The following NBEA variants were observed in gnomAD, a reference collection of about 807,000 sequenced individuals.
NBEA encodes neurobeachin.
NBEA carries 44 observed loss-of-function variants against 343.4 expected under a neutral mutation model. The ratio of observed to expected loss-of-function variants is 0.13; its 90% confidence interval spans 0.10 to 0.16. NBEA has a LOEUF of 0.16. Ranked by LOEUF, NBEA falls within the 10% of genes least tolerant of loss-of-function variation. The probability of loss-of-function intolerance (pLI) is 1.00; values close to 1 mark genes in which losing one functional copy is unlikely to be tolerated. For synonymous variants in NBEA, 1,175 were observed against 1,238.7 expected, an observed-to-expected ratio of 0.95 and a Z score of 1.08; for missense variants, 2,555 against 3,631.3, an observed-to-expected ratio of 0.70 and a Z score of 7.62.
At chr13:35,579,900 T>C (rs1438511486) in intron 45 of NBEA, among the ~76,000 whole-genome samples, 1 of 152,058 alleles carries the variant, frequency 6.6e-6, no homozygotes, top group African/African-American at 2.4e-5. Context: ...GTAGAGAAAA[T>C]TCTCAGCATT....
At chr13:35,639,354 T>C (rs1200483542) in intron 49 of NBEA, among the ~76,000 whole-genome samples, 1 of 152,204 alleles carries the variant, frequency 6.6e-6, no homozygotes, top group East Asian at 1.9e-4. Flanking sequence ...TTATATGATC[T>C]TGTTTTATTA....
rs372902290 is a variant in NBEA at position 34,977,193 on chromosome 13, G to T, written c.294+34079G>T. Reference sequence around the variant, plus strand: ...AACCTCAGGTGATCCGCCTGCCTTGGCCTCCCAACTTGCTGCAATTATAGG... The same window carrying T: ...AACCTCAGGTGATCCGCCTGCCTTGTCCTCCCAACTTGCTGCAATTATAGG... On this transcript the variant is annotated intron_variant, in intron 1 of 58. Transcript: ENST00000379939. 2.0e-5 allele frequency among the ~76,000 whole-genome samples: 3 copies of T among 152,068 alleles called. No homozygotes were observed. The South Asian group carries it at 6.2e-4, about 32-fold the overall frequency.
intron 34 of NBEA, among the ~76,000 whole-genome samples, chr13:35,242,375 CA>C (rs2030456955): frequency 1.3e-5 from 2 of 151,664 alleles, no homozygotes. Context: ...AGGACCAAGA[CA>C]AACAGAATGA....
rs910946184 is a variant in NBEA, at chr13:35,415,090, G to T, written c.6180-17179G>T. On this transcript the variant is annotated intron_variant, in intron 38 of 58. Transcript: ENST00000379939. ...CTTTTTGATGGGGTTGTTTGTTTTT[G>T]TCTTGTAAATTTGTTTAAGTTCTTT... Among the ~76,000 whole-genome samples, 196 of 151,680 alleles carry T rather than the reference G, an allele frequency of 1.3e-3. 1 individual carries two copies. The highest frequency in any genetic ancestry group is 4.3e-3 in the African/African-American group (180 of 41,384).
intron 44 of NBEA, among the ~76,000 whole-genome samples, chr13:35,562,975 A>G (rs2079935886): frequency 2.0e-5 from 3 of 152,134 alleles, no homozygotes; most frequent in East Asian, 3.9e-4. Flanking sequence ...TTTTTAATGA[A>G]GAAACATATC....
At chr13:35,489,417 TG>T (rs1259509539) in intron 41 of NBEA, among the ~76,000 whole-genome samples, 1 of 151,926 alleles carries the variant, frequency 6.6e-6, no homozygotes, top group Non-Finnish European at 1.5e-5. Flanking sequence ...TGCATTCTGC[TG>T]GGCATATTTG....
intron 38 of NBEA, among the ~76,000 whole-genome samples, chr13:35,388,224 G>T (rs2042341350): frequency 6.6e-6 from 1 of 152,100 alleles, no homozygotes; most frequent in Admixed American, 6.6e-5. Context: ...TTGACGATAG[G>T]TGGAATAATT....
chr13:35,434,655 GA>G (rs773078097), intron 39 of NBEA, among the ~76,000 whole-genome samples: 3 of 152,176 alleles, frequency 2.0e-5, no homozygotes, highest in Non-Finnish European at 4.4e-5. Context: ...TGGACTTTAG[GA>G]CTGAGTGGAG....
chr13:35,308,639 T>C (rs2037150290), intron 35 of NBEA, among the ~76,000 whole-genome samples: 2 of 142,946 alleles, frequency 1.4e-5, no homozygotes. Context: ...CACACAGATA[T>C]ATATATGTAT....
intron 45 of NBEA, among the ~76,000 whole-genome samples, chr13:35,574,401 G>GAA: frequency 9.3e-6 from 1 of 107,674 alleles, no homozygotes; most frequent in African/African-American, 3.9e-5. Context: ...AAAAACAAAA[G>GAA]AAAAAAAACA....
chr13:35,386,580 T>A (rs1169051892), intron 38 of NBEA, among the ~76,000 whole-genome samples: 1 of 152,148 alleles, frequency 6.6e-6, no homozygotes, highest in Non-Finnish European at 1.5e-5. Context: ...TGTAAGATAA[T>A]GTTGACCTAG....
intron 41 of NBEA, among the ~76,000 whole-genome samples, chr13:35,500,322 C>A (rs1044949342): frequency 3.3e-5 from 5 of 152,034 alleles, no homozygotes; most frequent in African/African-American, 1.2e-4. Flanking sequence ...GCATCATTAG[C>A]CATAAGACTG....
intron 8 of NBEA, among the ~76,000 whole-genome samples, chr13:35,059,669 AAGG>A (rs1380722413): frequency 6.6e-6 from 1 of 151,602 alleles, no homozygotes; most frequent in African/African-American, 2.4e-5. Flanking sequence ...GTGTAATGGA[AAGG>A]AGTAGTAAAT....
intron 34 of NBEA, among the ~76,000 whole-genome samples, chr13:35,238,868 G>C (rs2152776403): frequency 6.6e-6 from 1 of 152,016 alleles, no homozygotes; most frequent in South Asian, 2.1e-4. Context: ...TATAAATATA[G>C]CATGAAATTT....
intron 18 of NBEA, among the ~76,000 whole-genome samples, chr13:35,152,686 T>C (rs2068869845): frequency 6.6e-6 from 1 of 152,216 alleles, no homozygotes; most frequent in Non-Finnish European, 1.5e-5. Context: ...GCATGTAAAG[T>C]TACCTCCATG....
At chr13:35,115,014 T>G (rs1325896538) in intron 13 of NBEA, among the ~76,000 whole-genome samples, 2 of 152,166 alleles carry the variant, frequency 1.3e-5, no homozygotes, top group African/African-American at 4.8e-5. Context: ...TAACTGTAAC[T>G]TAACACTTTT....
At chr13:35,177,273 G>A (rs2070971005) in intron 28 of NBEA, among the ~76,000 whole-genome samples, 170 bp downstream of exon 28, 1 of 151,860 alleles carries the variant, frequency 6.6e-6, no homozygotes, top group South Asian at 2.1e-4. Context: ...TTCTCTGAAA[G>A]CTTATTGATA....
intron 34 of NBEA, among the ~76,000 whole-genome samples, chr13:35,233,720 T>C (rs1381982024): frequency 6.6e-6 from 1 of 152,156 alleles, no homozygotes; most frequent in Non-Finnish European, 1.5e-5. Flanking sequence ...AAAGACGCTT[T>C]TCTTCAGATG....
At chr13:35,449,806 C>T (rs996916638) in intron 39 of NBEA, among the ~76,000 whole-genome samples, 3 of 152,200 alleles carry the variant, frequency 2.0e-5, no homozygotes, top group African/African-American at 7.2e-5. Flanking sequence ...TAATTCCCCT[C>T]CCCTCCAATG....
Sources: gnomAD v4.1 joint callset for allele counts (sites outside exome capture counted in the v4.1 genomes callset) on GRCh38, gnomAD v4.1.1 for gene constraint, MANE v1.5 for transcripts, NCBI Gene and HGNC (gene_info 2026-07-23, HGNC 2026-07-21) for gene names.